ZNF423: variants seen among roughly 807,000 people sequenced by gnomAD.
ZNF423 encodes the protein zinc finger protein 423.
In ZNF423, 12 loss-of-function variants were observed where a neutral mutation model predicts 95.8. The ratio of observed to expected loss-of-function variants is 0.13; its 90% CI spans 0.08 to 0.20. The LOEUF (loss-of-function observed/expected upper bound fraction) is 0.20, where lower values mean the gene tolerates loss of function less well. ZNF423 is among the 10% of genes least tolerant of loss of function. The probability of loss-of-function intolerance (pLI) is 1.00; values close to 1 mark genes in which losing one functional copy is unlikely to be tolerated. For synonymous variants in ZNF423, 749 were observed against 711.9 expected (o/e 1.05, Z -0.83); for missense variants, 1,316 against 1,737.1 (o/e 0.76, Z 4.31).
chr16:49,804,431 A>G (rs1241294600), intron 1 of ZNF423, among the ~76,000 whole-genome samples: 4 of 152,222 alleles, frequency 2.6e-5, no homozygotes, highest in Non-Finnish European at 5.9e-5. Context: ...TTAACTAAGC[A>G]AAGAAATCAA....
intron 5 of ZNF423, among the ~76,000 whole-genome samples, chr16:49,552,546 G>A (rs761238218): frequency 2.7e-4 from 41 of 152,244 alleles, no homozygotes; most frequent in Middle Eastern, 6.8e-3. Flanking sequence ...GAATGACAAT[G>A]CATTATTACT....
At chr16:49,788,667 C>T (rs2034358074) in intron 2 of ZNF423, among the ~76,000 whole-genome samples, 2 of 152,170 alleles carry the variant, frequency 1.3e-5, no homozygotes. Flanking sequence ...CCCACAAATC[C>T]AGAAAAAGCT....
In ZNF423 at chr16:49,491,211, A is replaced by T; in HGVS notation, c.*64T>A. 2 of 1,605,386 alleles carry T rather than the reference A, an allele frequency of 1.2e-6. No individual in the cohort carries two copies. The highest frequency in any genetic ancestry group is 1.7e-6 in the Non-Finnish European group (2 of 1,172,384). ...ACACTTTGATTGGATGTAATGTTCA[A>T]ATGGCCCTCCCCACGGCGTCTCCGG... On this transcript the variant is annotated 3_prime_UTR_variant, in exon 8 of 8. Transcript: ENST00000563137.
At chr16:49,707,268 C>A (rs1393274969) in intron 3 of ZNF423, among the ~76,000 whole-genome samples, 1 of 152,152 alleles carries the variant, frequency 6.6e-6, no homozygotes. Flanking sequence ...CACCCACTTA[C>A]CTCTTGCTCC....
At chr16:49,548,298 A>C (rs1187322020) in intron 5 of ZNF423, among the ~76,000 whole-genome samples, 3 of 152,204 alleles carry the variant, frequency 2.0e-5, no homozygotes, top group Admixed American at 6.5e-5. Flanking sequence ...CTGCCATCCC[A>C]GACAAATGCA....
chr16:49,577,111 C>A (rs185985081), intron 5 of ZNF423, among the ~76,000 whole-genome samples: 1 of 152,150 alleles, frequency 6.6e-6, no homozygotes, highest in Admixed American at 6.5e-5. Flanking sequence ...CCAGGGCAGA[C>A]AATGGAAGAC....
chr16:49,819,414 G>A (rs2034906250), intron 1 of ZNF423, among the ~76,000 whole-genome samples: 1 of 151,886 alleles, frequency 6.6e-6, no homozygotes, highest in South Asian at 2.1e-4. Context: ...AGACTCTAGA[G>A]CACATGTTAC....
At chr16:49,730,492 A>C in intron 3 of ZNF423, 1 of 494,638 alleles carries the variant, frequency 2.0e-6, no homozygotes. Context: ...CAGGGTGCAC[A>C]TCCACCCATT....
chr16:49,662,455 A>G (rs1224721415), intron 3 of ZNF423, among the ~76,000 whole-genome samples: 1 of 152,214 alleles, frequency 6.6e-6, no homozygotes, highest in Admixed American at 6.5e-5. Flanking sequence ...GCCATTTTTT[A>G]AAATGACATT....
chr16:49,716,573 T>G (rs566908749), intron 3 of ZNF423, among the ~76,000 whole-genome samples: 25 of 152,372 alleles, frequency 1.6e-4, no homozygotes, highest in Non-Finnish European at 3.4e-4. Context: ...CTGTACATTT[T>G]TTCTCTGAGT....
upstream of ZNF423, among the ~76,000 whole-genome samples, chr16:49,858,729 A>C (rs8056460): frequency 0.12 from 4,585 of 37,800 alleles, 167 homozygotes; most frequent in African/African-American, 0.23. This position sits in a 1 kb window ranked among gnomAD's most constrained non-coding sequence, Gnocchi z 4.3. Context: ...CCCCCCCCCC[A>C]CGCCCCCGCG....
chr16:49,593,724 C>T (rs1489555758), intron 5 of ZNF423, among the ~76,000 whole-genome samples: 8 of 152,176 alleles, frequency 5.3e-5, no homozygotes, highest in South Asian at 2.1e-4. Flanking sequence ...CTTAGATCTC[C>T]GAGAAGCCCC....
intron 7 of ZNF423, among the ~76,000 whole-genome samples, chr16:49,520,553 C>T (rs925082989): frequency 6.6e-6 from 1 of 152,240 alleles, no homozygotes; most frequent in Non-Finnish European, 1.5e-5. Context: ...CTAGAATCTT[C>T]TCAAGACCTC....
chr16:49,743,640 C>T (rs894186062), intron 2 of ZNF423, among the ~76,000 whole-genome samples: 15 of 151,894 alleles, frequency 9.9e-5, no homozygotes, highest in East Asian at 7.8e-4. Flanking sequence ...CCTGCTGCCC[C>T]GGGACACAGG....
intron 7 of ZNF423, among the ~76,000 whole-genome samples, chr16:49,503,167 G>A (rs780068814): frequency 7.9e-5 from 12 of 151,990 alleles, no homozygotes; most frequent in Admixed American, 2.6e-4. Flanking sequence ...TACCCTGTGC[G>A]GCTAATCTGC....
intron 1 of ZNF423, among the ~76,000 whole-genome samples, chr16:49,803,933 CTTTTTTTTTT>C (rs535349308): frequency 9.1e-6 from 1 of 109,534 alleles, no homozygotes; most frequent in South Asian, 3.2e-4. Flanking sequence ...GGATGAGTTT[CTTTTTTTTTT>C]TTTTTTTTTT....
chr16:49,800,544 C>G (rs2034567298), intron 1 of ZNF423, among the ~76,000 whole-genome samples: 1 of 151,874 alleles, frequency 6.6e-6, no homozygotes. Flanking sequence ...CTGTTCTGGT[C>G]CATAGAACTT....
chr16:49,574,278 A>G (rs1420386255), intron 5 of ZNF423, among the ~76,000 whole-genome samples: 1 of 152,182 alleles, frequency 6.6e-6, no homozygotes, highest in Non-Finnish European at 1.5e-5. Context: ...CCAGCTAATC[A>G]GGAAGCTGAG....
At chr16:49,704,686 C>G (rs2032296904) in intron 3 of ZNF423, among the ~76,000 whole-genome samples, 1 of 152,156 alleles carries the variant, frequency 6.6e-6, no homozygotes, top group Admixed American at 6.5e-5. Context: ...AGGTTTGTGT[C>G]TCATCACACA....
Sources: gnomAD v4.1 joint callset for allele counts (sites outside exome capture counted in the v4.1 genomes callset) on GRCh38, gnomAD v4.1.1 for gene constraint, Gnocchi (gnomAD v3.1) non-coding constraint, MANE v1.5 for transcripts, NCBI Gene and HGNC (gene_info 2026-07-23, HGNC 2026-07-21) for gene names.